RNF14: variants seen among roughly 807,000 people sequenced by gnomAD.
The protein encoded by RNF14 is ring finger protein 14.
Under a neutral mutation model 52.6 loss-of-function variants are expected in RNF14, and 26 were observed. The observed-to-expected ratio is 0.49, with a 90% confidence interval of 0.36 to 0.69. RNF14 has a LOEUF of 0.69. Among genes scored for constraint, RNF14 ranks in the 30% least tolerant of loss-of-function variants. The pLI, the probability that RNF14 is intolerant of heterozygous loss-of-function variation, is 0.00. For missense variants in RNF14, 404 were observed against 560.4 expected, an observed-to-expected ratio of 0.72 and a Z score of 2.82; for synonymous variants, 194 against 202.0, an observed-to-expected ratio of 0.96 and a Z score of 0.34.
At chr5:141,976,520 T>C (rs1754266585) in intron 4 of RNF14, among the ~76,000 whole-genome samples, 1 of 152,174 alleles carries the variant, frequency 6.6e-6, no homozygotes, top group South Asian at 2.1e-4. Flanking sequence ...TAATTAACAT[T>C]TTAATTGGTC....
chr5:141,963,951 C>G (rs1301240976), upstream of RNF14, among the ~76,000 whole-genome samples: 1 of 152,176 alleles, frequency 6.6e-6, no homozygotes, highest in African/African-American at 2.4e-5. Context: ...GCTGCTAAAT[C>G]TCACCCCTCT....
At chr5:141,980,522 C>G (rs766542881) in intron 6 of RNF14, among the ~76,000 whole-genome samples, 171 bp downstream of exon 6, 2 of 152,190 alleles carry the variant, frequency 1.3e-5, no homozygotes, top group Non-Finnish European at 2.9e-5. Context: ...CCAGAAGAGA[C>G]AAAATGTCTG....
chr5:141,978,774 G>A lies in RNF14; in HGVS notation c.778G>A (p.Val260Ile), dbSNP rs763023641. Residue 260 changes from valine (V) to isoleucine (I), a missense_variant, in exon 5 of 9, where the codon GTT becomes ATT. Val to Ile is a conservative substitution (Grantham distance 29). Coordinates refer to ENST00000394520, the MANE Select transcript of RNF14 (RefSeq NM_004290.5). ...TGAAATCCAGATCAGAGATGGCCAG[G>A]TTCAATGCCTCAACTGCCCAGAACC... is the stretch of plus-strand genomic sequence containing the variant. ...YFEIQIRDGQ[V>I]QCLNCPEPKC... The A allele has an allele frequency of 6.2e-7, 1 of 1,614,006 alleles. No individual in the cohort carries two copies. Among genetic ancestry groups the A allele is most frequent in the South Asian group, 1.1e-5 (1 of 91,076 alleles).
At chr5:141,979,146 T>C (rs1472902347) in intron 5 of RNF14, among the ~76,000 whole-genome samples, 1 of 152,164 alleles carries the variant, frequency 6.6e-6, no homozygotes, top group Non-Finnish European at 1.5e-5. Context: ...TTGTGTGAGG[T>C]TGGCATCTGA....
At chr5:141,957,863 A>C (rs1753214285), upstream of RNF14, 8 of 1,592,130 alleles carry the variant, frequency 5.0e-6, no homozygotes, top group Non-Finnish European at 6.8e-6. The surrounding 1 kb of genome is among the most constrained non-coding windows in gnomAD (Gnocchi z 4.3). Context: ...CTTACCGCCA[A>C]GTGGGCTAGA....
At chr5:141,955,815 G>A (rs1362846647), upstream of RNF14, 2 of 1,613,798 alleles carry the variant, frequency 1.2e-6, no homozygotes, top group African/African-American at 2.7e-5. The surrounding 1 kb of genome is among the most constrained non-coding windows in gnomAD (Gnocchi z 5.5). Context: ...GGCTTCCCTG[G>A]TCCTCTACTA....
At chr5:141,980,401 A>G (rs1754665253) in intron 6 of RNF14, 50 bp downstream of exon 6, 2 of 1,343,522 alleles carry the variant, frequency 1.5e-6, no homozygotes, top group South Asian at 2.4e-5. Flanking sequence ...TCTCCCTCAC[A>G]TTTCACTCTA....
chr5:141,980,407 C>G, intron 6 of RNF14, 56 bp downstream of exon 6: 1 of 1,301,504 alleles, frequency 7.7e-7, no homozygotes. Context: ...TCACATTTCA[C>G]TCTACTACCA....
intron 6 of RNF14, chr5:141,982,627 A>G (rs1317425554): frequency 1.3e-5 from 2 of 152,242 alleles, no homozygotes; most frequent in Non-Finnish European, 2.9e-5. Context: ...GTTCCATTTC[A>G]GTTAAATGAT....
chr5:141,953,367 A>G (rs1345010116), upstream of RNF14: 2 of 152,240 alleles, frequency 1.3e-5, no homozygotes, highest in African/African-American at 4.8e-5. Flanking sequence ...ATCCCATGAT[A>G]AACAGTGATT....
chr5:141,981,991 T>G (rs529268763), intron 6 of RNF14, among the ~76,000 whole-genome samples: 364 of 152,286 alleles, frequency 2.4e-3, no homozygotes, highest in Non-Finnish European at 3.5e-3. Context: ...TAATTTCAGT[T>G]GCCTCAGGCA....
chr5:141,949,337 G>T, the RNF14 span: 2 of 1,492,458 alleles, frequency 1.3e-6, no homozygotes, highest in Non-Finnish European at 1.8e-6. Context: ...CACAGAAACA[G>T]AATGGCTTTT....
intron 1 of RNF14, chr5:141,969,390 GGGCCCTGCTCCTTCGGGACGCCCCAGGCT>G (rs1753528531): frequency 6.6e-6 from 1 of 152,430 alleles, no homozygotes; most frequent in Non-Finnish European, 1.5e-5. Context: ...GGGAAGGTGT[GGGCCCTGCTCCTTCGGGACGCCCCAGGCT>G]GGCCAGCAGC....
chr5:141,964,738 C>T (rs957380793), upstream of RNF14, among the ~76,000 whole-genome samples: 2 of 151,556 alleles, frequency 1.3e-5, no homozygotes, highest in African/African-American at 2.4e-5. Context: ...CTCGGCCTCC[C>T]GAGTAGCTGG....
At chr5:141,972,028 A>T (rs1180289441) in intron 2 of RNF14, among the ~76,000 whole-genome samples, 2 of 152,212 alleles carry the variant, frequency 1.3e-5, no homozygotes, top group South Asian at 2.1e-4. Flanking sequence ...TTCTTGAGTC[A>T]TAATGGTGAA....
In RNF14 at chr5:141,973,616, G is replaced by C. The variant is rs1259716972; in HGVS notation, c.28G>C (p.Glu10Gln). 6.2e-7 allele frequency: 1 copy of C among 1,613,740 alleles called. No individual in the cohort carries two copies. Among genetic ancestry groups the C allele is most frequent in the Admixed American group, 1.7e-5 (1 of 59,938 alleles). The change falls in exon 3 of 9, where the codon GAG becomes CAG. Residue 10 changes from glutamate (E) to glutamine (Q), a missense_variant. By Grantham distance (29) the Glu-to-Gln change is conservative. Transcript: ENST00000394520. MSSEDREAQEDELLALASIY... is the reference protein window; with the variant it reads MSSEDREAQQDELLALASIY... ...GTCGTCAGAAGATCGAGAAGCTCAG[G>C]AGGATGAATTGCTGGCCCTGGCAAG...
Position 141,980,505 on chromosome 5 carries a change from G to T in RNF14, c.1063+154G>T, listed in dbSNP as rs575934846. On this transcript the variant is annotated intron_variant, in intron 6 of 8. Transcript: ENST00000394520. ...GACTATCTCAGGCCTTGGGGCTGTA[G>T]TAGTGACCAGAAGAGACAAAATGTC... 3.9e-5 allele frequency among the ~76,000 whole-genome samples: 6 copies of T among 152,366 alleles called. No homozygotes were observed. In the South Asian group the frequency reaches 1.2e-3, roughly 32 times the overall value.
chr5:141,951,449 C>T, the RNF14 span: 2 of 1,438,736 alleles, frequency 1.4e-6, no homozygotes, highest in Non-Finnish European at 2.0e-6. Flanking sequence ...GAGGGGCGGC[C>T]AGTAGGGGCC....
At chr5:141,975,204 ATTTCT>A (rs1754138311) in intron 4 of RNF14, among the ~76,000 whole-genome samples, 2 of 152,192 alleles carry the variant, frequency 1.3e-5, no homozygotes, top group Non-Finnish European at 2.9e-5. Flanking sequence ...CAAGTATATT[ATTTCT>A]TTTCTTGTCT....
Sources: allele counts gnomAD v4.1 joint callset (sites outside exome capture counted in the v4.1 genomes callset), GRCh38; gene constraint gnomAD v4.1.1; non-coding constraint Gnocchi (gnomAD v3.1); transcripts MANE v1.5; gene names NCBI Gene and HGNC (gene_info 2026-07-23, HGNC 2026-07-21).